HPS1: variants seen among roughly 807,000 people sequenced by gnomAD.
The protein encoded by HPS1 is HPS1 biogenesis of lysosomal organelles complex 3 subunit 1.
A neutral mutation model predicts 90.6 loss-of-function variants in HPS1; 59 were observed. That is an observed-to-expected ratio of 0.65 (90% CI 0.53 to 0.81). The LOEUF is 0.81. Among genes scored for constraint, HPS1 ranks in the 30% least tolerant of loss-of-function variants. HPS1 has a pLI of 0.00. For synonymous variants in HPS1, 388 were observed against 384.4 expected, an observed-to-expected ratio of 1.01 and a Z score of -0.11; for missense variants, 849 against 896.7, an observed-to-expected ratio of 0.95 and a Z score of 0.68.
rs778117442 is a variant in HPS1, at chr10:98,435,366, C to T, written c.304G>A (p.Glu102Lys). The T allele has an allele frequency of 1.8e-5, 29 of 1,613,936 alleles. No homozygotes were observed. Among genetic ancestry groups the T allele is most frequent in the East Asian group, 2.2e-5 (1 of 44,868 alleles). The change falls in exon 5 of 20, where the codon GAG (glutamate) becomes AAG (lysine). Residue 102 changes from glutamate to lysine, a missense_variant. Physicochemically the swap from Glu to Lys is moderately conservative, Grantham distance 56 (BLOSUM62 1). Coordinates refer to ENST00000361490, the MANE Select transcript of HPS1 (RefSeq NM_000195.5). The surrounding 1 kb of genome is among the most constrained non-coding windows in gnomAD (Gnocchi z 4.3). ...TACAGCTTCCGCCGCAGGTCCCCCT[C>T]GCTCTCGGTGTGGTCACCATTGATG... is the stretch of plus-strand genomic sequence containing the variant. ...IAINGDHTES[E>K]GDLRRKLYVL...
At chr10:98,423,984 C>A (rs1165439770) in intron 14 of HPS1, 97 bp from the exon 15 acceptor site, 3 of 1,498,398 alleles carry the variant, frequency 2.0e-6, no homozygotes, top group Admixed American at 1.7e-5. Context: ...GACAGACAGA[C>A]CTGGGGAGCC....
At chr10:98,415,672 C>T (rs543439046), downstream of HPS1, among the ~76,000 whole-genome samples, 248 of 152,346 alleles carry the variant, frequency 1.6e-3, no homozygotes, top group Non-Finnish European at 2.7e-3. Flanking sequence ...GCGCCCAGGG[C>T]GGCCATCTAG....
chr10:98,428,568 A>G (rs1363202047), intron 10 of HPS1, among the ~76,000 whole-genome samples: 2 of 152,206 alleles, frequency 1.3e-5, no homozygotes, highest in Non-Finnish European at 2.9e-5. Context: ...GGTGATTCCA[A>G]TGTGCCAGGG....
In HPS1 at chr10:98,433,929, C is replaced by G. The variant is rs1846899907; in HGVS notation, c.507+54G>C. On this transcript the variant is annotated intron_variant, in intron 6 of 19. Transcript: ENST00000361490. ...TAAAACATGGTCTTAAAGGTGGACG[C>G]CCCCTCTGACCTGACAGCTTCAAGT... is the stretch of plus-strand genomic sequence containing the variant. 21 of 1,547,870 alleles carry G rather than the reference C, an allele frequency of 1.4e-5. No individual in the cohort carries two copies. The Admixed American group carries it at 1.4e-4, about 10-fold the overall frequency.
chr10:98,422,415 G>A lies in HPS1; in HGVS notation c.1697C>T (p.Ser566Leu), dbSNP rs1271147542. 4.3e-6 allele frequency: 7 copies of A among 1,613,556 alleles called. No individual in the cohort carries two copies. The highest frequency in any genetic ancestry group is 1.3e-5 in the African/African-American group (1 of 75,034). The change falls in exon 17 of 20, where the codon TCG becomes TTG. Residue 566 changes from serine (S) to leucine (L), a missense_variant. Physicochemically the swap from Ser to Leu is moderately radical, Grantham distance 145. Transcript: ENST00000361490. ...CAGCGGCCCCTTGCCCAACTCCGAC[G>A]AGGTCTTTTGACTGCAGTTGAGGGA... ...APSLNCSQKT[S>L]SELGKGPLAA... is the part of the protein sequence containing the mutation.
chr10:98,436,050 T>C (rs979371907), intron 3 of HPS1, among the ~76,000 whole-genome samples: 1 of 152,180 alleles, frequency 6.6e-6, no homozygotes, highest in African/African-American at 2.4e-5. Flanking sequence ...AACAGTGGAA[T>C]GTGGGGAGCA....
Position 98,419,177 on chromosome 10 carries a change from T to C in HPS1, c.1857+868A>G, listed in dbSNP as rs150283830. Among the ~76,000 whole-genome samples, 900 of 151,162 alleles carry C rather than the reference T, an allele frequency of 6.0e-3. 7 individuals carry two copies. Among genetic ancestry groups the C allele is most frequent in the African/African-American group, 0.02 (833 of 41,164 alleles). ...GAGCCCCAGTAACCGCCCTGCCCTA[T>C]GGAAAGGGATGGCTGTCACCCTCAG... On this transcript the variant is annotated intron_variant, in intron 18 of 19. Transcript: ENST00000361490.
chr10:98,434,126 C>T lies in HPS1; in HGVS notation c.399-35G>A, dbSNP rs11591594. 0.16 allele frequency: 245,848 copies of T among 1,538,246 alleles called. 20,789 individuals carry two copies. Among genetic ancestry groups the T allele is most frequent in the South Asian group, 0.2 (17,003 of 83,674 alleles). On this transcript the variant is annotated intron_variant, in intron 5 of 19. Transcript: ENST00000361490. ...GAGCCAGAGAGGGCGGGAGAGATCA[C>T]AAGAAAGCTGGTCTCCCCCACACCC...
At chr10:98,442,519 C>CT (rs537350480) in intron 3 of HPS1, 302 of 142,990 alleles carry the variant, frequency 2.1e-3, no homozygotes, top group Middle Eastern at 3.7e-3. Context: ...TTACGTTAAA[C>CT]TTTTTTTTTT....
chr10:98,433,096 G>A (rs1370253531), intron 6 of HPS1, among the ~76,000 whole-genome samples: 2 of 152,078 alleles, frequency 1.3e-5, no homozygotes, highest in African/African-American at 4.8e-5. Flanking sequence ...GCCAGGCGTG[G>A]TGGCACGTGC....
downstream of HPS1, chr10:98,415,106 C>T (rs141531625): frequency 4.3e-6 from 7 of 1,613,832 alleles, no homozygotes; most frequent in Non-Finnish European, 5.9e-6. Flanking sequence ...CGGCCACAGC[C>T]TTGCAGAGAC....
chr10:98,443,334 T>C, intron 2 of HPS1, 94 bp from the exon 3 acceptor site: 1 of 897,210 alleles, frequency 1.1e-6, no homozygotes, highest in East Asian at 2.4e-5. Context: ...TCAGCAAACA[T>C]TCAGTGAGCC....
At chr10:98,415,350 G>A (rs543235333), downstream of HPS1, among the ~76,000 whole-genome samples, 8 of 152,214 alleles carry the variant, frequency 5.3e-5, no homozygotes, top group African/African-American at 1.9e-4. Flanking sequence ...TTAACCAGGC[G>A]GTGTCACCTC....
In HPS1 at chr10:98,425,669, A is replaced by G. The variant is rs755979374; in HGVS notation, c.1207T>C (p.Ser403Pro). ...LVLSQLMDGF[S>P]MLEKKLKEGP... Reference sequence around the variant, plus strand: ...TCCTTCAGCTTCTTCTCCAGCATGGAGAAGCCATCCATCAGCTGGGACAGA... The same window carrying G: ...TCCTTCAGCTTCTTCTCCAGCATGGGGAAGCCATCCATCAGCTGGGACAGA... Residue 403 changes from serine (S) to proline (P), a missense_variant, in exon 13 of 20, where the codon TCC becomes CCC. Ser to Pro is a moderately conservative substitution (Grantham distance 74). Transcript: ENST00000361490. The G allele has an allele frequency of 8.1e-6, 13 of 1,613,386 alleles. No homozygotes were observed. The Admixed American group carries it at 8.3e-5, about 10-fold the overall frequency.
chr10:98,427,608 G>A (rs756546372), intron 10 of HPS1, among the ~76,000 whole-genome samples: 1 of 147,738 alleles, frequency 6.8e-6, no homozygotes, highest in Non-Finnish European at 1.5e-5. Flanking sequence ...TCCCCTCCTT[G>A]TTCTGTCCCC....
chr10:98,431,199 C>T lies in HPS1; in HGVS notation c.600G>A (p.Glu200=), dbSNP rs770663141. 3.7e-6 allele frequency: 6 copies of T among 1,613,972 alleles called. No homozygotes were observed. In the South Asian group the frequency reaches 5.5e-5, roughly 15 times the overall value. The change falls in exon 7 of 20, where the codon GAG becomes GAA. Residue 200 remains glutamate, a synonymous_variant. Transcript: ENST00000361490. ...HVIQAVNTSP[E]RGGEEALHAF... ...CATGCAGGGCCTCCTCGCCTCCCCGCTCGGGGCTGGTGTTGACAGCCTGGA... is the reference window on the plus strand; with the variant it reads ...CATGCAGGGCCTCCTCGCCTCCCCGTTCGGGGCTGGTGTTGACAGCCTGGA...
At chr10:98,434,242 G>C (rs1362133588) in intron 5 of HPS1, 151 bp from the exon 6 acceptor site, 18 of 782,960 alleles carry the variant, frequency 2.3e-5, no homozygotes, top group Admixed American at 5.6e-5. Context: ...CAGGTTTCCG[G>C]CCGAGCTCTA....
At chr10:98,431,769 T>C (rs888758603) in intron 6 of HPS1, among the ~76,000 whole-genome samples, 23 of 152,104 alleles carry the variant, frequency 1.5e-4, no homozygotes, top group African/African-American at 5.3e-4. Context: ...CCAACAGAAA[T>C]AAAAGAAAGG....
At chr10:98,439,637 G>C (rs1335332969) in intron 3 of HPS1, among the ~76,000 whole-genome samples, 1 of 152,184 alleles carries the variant, frequency 6.6e-6, no homozygotes, top group Non-Finnish European at 1.5e-5. Flanking sequence ...AGGTGGAAGG[G>C]ACTTGCCTTG....
Sources: allele counts gnomAD v4.1 joint callset (sites outside exome capture counted in the v4.1 genomes callset), GRCh38; gene constraint gnomAD v4.1.1; non-coding constraint Gnocchi (gnomAD v3.1); transcripts MANE v1.5; gene names NCBI Gene and HGNC (gene_info 2026-07-23, HGNC 2026-07-21).